CFAP74: variants seen among roughly 807,000 people sequenced by gnomAD.
CFAP74 encodes the protein cilia and flagella associated protein 74, also known as cilia- and flagella-associated protein 74.
Under a neutral mutation model 188.9 loss-of-function variants are expected in CFAP74, and 124 were observed. The observed-to-expected ratio is 0.66, with a 90% CI of 0.57 to 0.76. The LOEUF is 0.76. Among genes scored for constraint, CFAP74 ranks in the 30% least tolerant of loss-of-function variants. The pLI, the probability that CFAP74 is intolerant of heterozygous loss-of-function variation, is 0.00. For missense variants in CFAP74, 2,198 were observed against 2,165.2 expected (o/e 1.02, Z -0.30); for synonymous variants, 956 against 916.7 (o/e 1.04, Z -0.77).
intron 22 of CFAP74, among the ~76,000 whole-genome samples, chr1:1,940,974 G>C (rs957057825): frequency 6.6e-6 from 1 of 152,038 alleles, no homozygotes; most frequent in African/African-American, 2.4e-5. Flanking sequence ...TTAGCCGGGC[G>C]TGGTGGCGGG....
At chr1:1,976,116 C>T (rs545428956) in intron 6 of CFAP74, among the ~76,000 whole-genome samples, 397 of 152,334 alleles carry the variant, frequency 2.6e-3, no homozygotes, top group Middle Eastern at 6.8e-3. Context: ...AGCCCTTTTA[C>T]GAGGCACTAA....
At chr1:1,971,862 T>A in intron 9 of CFAP74, 118 bp downstream of exon 9, 1 of 745,416 alleles carries the variant, frequency 1.3e-6, no homozygotes, top group Admixed American at 2.4e-5. Context: ...GGTCACCAAG[T>A]GCGCGGGTCA....
Position 1,922,286 on chromosome 1 carries a change from C to T in CFAP74, c.*1G>A. On this transcript the variant is annotated 3_prime_UTR_variant, in exon 39 of 39. Transcript: ENST00000682832. ...GGCCCGAGGGTGCTCTGTGCAGAGG[C>T]TTAGGGGCCAGTCAACACCTGGGCT... 2 of 1,608,368 alleles carry T rather than the reference C, an allele frequency of 1.2e-6. No individual in the cohort carries two copies. The highest frequency in any genetic ancestry group is 1.7e-6 in the Non-Finnish European group (2 of 1,177,936).
At chr1:1,932,745 A>G (rs953232075) in intron 25 of CFAP74, among the ~76,000 whole-genome samples, 6 of 150,822 alleles carry the variant, frequency 4.0e-5, no homozygotes, top group Admixed American at 4.0e-4. Context: ...GGCACCCACC[A>G]CCACACCTGG....
intron 27 of CFAP74, chr1:1,927,956 G>A (rs1480649511): frequency 2.7e-5 from 16 of 583,346 alleles, no homozygotes; most frequent in South Asian, 1.8e-4. Flanking sequence ...AGACTGTGGC[G>A]TCTGCTTCAC....
chr1:1,944,304 C>T (rs955193335), intron 21 of CFAP74, 27 bp downstream of exon 21: 4 of 1,531,044 alleles, frequency 2.6e-6, no homozygotes, highest in East Asian at 2.4e-5. Flanking sequence ...TGGGTCACCC[C>T]GTGTGCATGG....
intron 18 of CFAP74, among the ~76,000 whole-genome samples, chr1:1,952,532 C>A (rs541879522): frequency 4.5e-4 from 62 of 139,006 alleles, no homozygotes; most frequent in Non-Finnish European, 1.4e-4. Flanking sequence ...CATTGATGAG[C>A]AAGAAAGAAA....
intron 9 of CFAP74, 101 bp from the exon 10 acceptor site, chr1:1,970,917 G>T: frequency 7.7e-7 from 1 of 1,296,272 alleles, no homozygotes; most frequent in East Asian, 2.4e-5. Context: ...ACATGCACAC[G>T]TGCACACACG....
In CFAP74 at chr1:1,974,101, C is replaced by A. The variant is rs1162042144; in HGVS notation, c.598G>T (p.Val200Leu). ...CTGCAGAGCTGCTCGGCTGCGCGCA[C>A]CTGGAGCCGCCGCCCCGTGGCCTCC... is the stretch of plus-strand genomic sequence containing the variant. ...EVEATGRRLQ[V>L]RAAEQLCREQ... The change falls in exon 7 of 39, where the codon GTG becomes TTG. Residue 200 changes from valine to leucine, a missense_variant. Transcript: ENST00000682832. 1 of 1,612,502 alleles carries A rather than the reference C, an allele frequency of 6.2e-7. No homozygotes were observed.
At chr1:1,932,600 CTT>C (rs904715734) in intron 25 of CFAP74, among the ~76,000 whole-genome samples, 1 of 142,196 alleles carries the variant, frequency 7.0e-6, no homozygotes. Flanking sequence ...TTCTTTTTTT[CTT>C]TTTTTTTTTG....
At chr1:1,929,707 C>A (rs999319768) in intron 26 of CFAP74, among the ~76,000 whole-genome samples, 22 of 151,778 alleles carry the variant, frequency 1.4e-4, no homozygotes, top group Non-Finnish European at 3.2e-4. Flanking sequence ...TCCTCCCAGT[C>A]GGCCTGCGAG....
Position 1,965,284 on chromosome 1 carries a change from C to T in CFAP74, c.1402-223G>A, listed in dbSNP as rs1655394436. 3.9e-5 allele frequency among the ~76,000 whole-genome samples: 6 copies of T among 152,322 alleles called. 1 individual carries two copies. The South Asian group carries it at 1.2e-3, about 32-fold the overall frequency. ...CTGACTTTCTGCTCCATTGACAAGG[C>T]AGGGACCCCTCACTTCCAAAAAAGA... On this transcript the variant is annotated intron_variant, in intron 12 of 38. Transcript: ENST00000682832.
rs1339033458 is a variant in CFAP74 at position 1,973,648 on chromosome 1, G to A, written c.674+377C>T. On this transcript the variant is annotated intron_variant, in intron 7 of 38. Coordinates refer to ENST00000682832, the MANE Select transcript of CFAP74 (RefSeq NM_001304360.2). The surrounding 1 kb of genome is among the most constrained non-coding windows in gnomAD (Gnocchi z 6.2). ...AGCCACGCAGGTGGGGGCCGTGGGA[G>A]GGGTGCAAAGGAGCAGCCAGAGGTG... Among the ~76,000 whole-genome samples, 1 of 152,076 alleles carries A rather than the reference G, an allele frequency of 6.6e-6. No homozygotes were observed. Among genetic ancestry groups the A allele is most frequent in the East Asian group, 1.9e-4 (1 of 5,180 alleles).
At chr1:1,937,724 C>A (rs906775796) in intron 25 of CFAP74, among the ~76,000 whole-genome samples, 2 of 152,162 alleles carry the variant, frequency 1.3e-5, no homozygotes, top group Non-Finnish European at 2.9e-5. Flanking sequence ...CACCAGCCAC[C>A]GCCTGGGGTC....
intron 15 of CFAP74, 121 bp from the exon 16 acceptor site, chr1:1,959,330 C>T: frequency 1.5e-6 from 1 of 648,676 alleles, no homozygotes; most frequent in South Asian, 1.9e-5. Context: ...CTGCTCGATT[C>T]ACTGCAACCC....
At chr1:1,965,189 G>A (rs1320055619) in intron 12 of CFAP74, 128 bp from the exon 13 acceptor site, 23 of 912,216 alleles carry the variant, frequency 2.5e-5, no homozygotes, top group African/African-American at 8.4e-5. Context: ...TGCCACCAGC[G>A]CTGGAGCTGG....
chr1:1,966,333 G>A, intron 12 of CFAP74, 38 bp downstream of exon 12: 1 of 1,453,346 alleles, frequency 6.9e-7, no homozygotes, highest in Non-Finnish European at 9.2e-7. Flanking sequence ...GAGGGCCGGG[G>A]TCCGTCTGCA....
intron 14 of CFAP74, among the ~76,000 whole-genome samples, chr1:1,962,408 A>G (rs899862898): frequency 4.7e-5 from 7 of 150,404 alleles, no homozygotes; most frequent in Admixed American, 1.3e-4. Flanking sequence ...CCCAGGAGGC[A>G]GAGGTTGCAG....
At chr1:1,998,601 G>A (rs146461858) in intron 1 of CFAP74, among the ~76,000 whole-genome samples, 2,395 of 152,274 alleles carry the variant, frequency 0.016, 65 homozygotes, top group African/African-American at 0.054. Flanking sequence ...TAGCCTGGGC[G>A]CGGTGGCTCA....
Sources: allele counts gnomAD v4.1 joint callset (sites outside exome capture counted in the v4.1 genomes callset), GRCh38; gene constraint gnomAD v4.1.1; non-coding constraint Gnocchi (gnomAD v3.1); transcripts MANE v1.5; gene names NCBI Gene and HGNC (gene_info 2026-07-23, HGNC 2026-07-21).